Variants in KCNIP4 observed in about 807,000 individuals in gnomAD.
KCNIP4 encodes the protein Kv channel-interacting protein 4.
In KCNIP4, 12 loss-of-function variants were observed where a neutral mutation model predicts 34.0. That is an observed-to-expected ratio of 0.35 (90% CI 0.23 to 0.57). The LOEUF (loss-of-function observed/expected upper bound fraction) is 0.57, where lower values mean the gene tolerates loss of function less well. KCNIP4 is among the 20% of genes least tolerant of loss of function. The pLI is 0.83. For missense variants in KCNIP4, 238 were observed against 311.7 expected, an observed-to-expected ratio of 0.76 and a Z score of 1.78; for synonymous variants, 124 against 102.2, an observed-to-expected ratio of 1.21 and a Z score of -1.29.
Position 21,541,942 on chromosome 4 carries a change from C to T in KCNIP4, c.61+406629G>A, listed in dbSNP as rs1054374356. ...ACAGGCATGAGCCACCAAGCCCCGC[C>T]TAATTTTCTAATATTTAGAAAGTAA... is the stretch of plus-strand genomic sequence containing the variant. On this transcript the variant is annotated intron_variant, in intron 1 of 8. Coordinates refer to ENST00000382152, the MANE Select transcript of KCNIP4 (RefSeq NM_025221.6). 9.9e-5 allele frequency among the ~76,000 whole-genome samples: 15 copies of T among 152,264 alleles called. 1 individual carries two copies. The highest frequency in any genetic ancestry group is 8.5e-4 in the Admixed American group (13 of 15,298).
chr4:21,864,007 G>A (rs1725263070), intron 1 of KCNIP4, among the ~76,000 whole-genome samples: 1 of 152,192 alleles, frequency 6.6e-6, no homozygotes, highest in African/African-American at 2.4e-5. Context: ...AAGACCTGAA[G>A]TAATGTTTTT....
intron 1 of KCNIP4, among the ~76,000 whole-genome samples, chr4:21,074,926 G>T (rs1745335823): frequency 6.6e-6 from 1 of 152,158 alleles, no homozygotes; most frequent in South Asian, 2.1e-4. Context: ...AGGTTGTTCA[G>T]TTTCCATGTA....
intron 1 of KCNIP4, among the ~76,000 whole-genome samples, chr4:21,724,346 A>G (rs1248271533): frequency 2.0e-5 from 3 of 151,504 alleles, no homozygotes; most frequent in South Asian, 2.1e-4. Context: ...TCTCAAAGCC[A>G]TCTATATAAC....
intron 1 of KCNIP4, among the ~76,000 whole-genome samples, chr4:21,924,243 CTTT>C (rs67541105): frequency 9.3e-5 from 10 of 107,540 alleles, no homozygotes; most frequent in Admixed American, 1.9e-4. Context: ...GAATATATTT[CTTT>C]TTTTTTTTTT....
chr4:21,035,561 T>G (rs1741378583), intron 1 of KCNIP4, among the ~76,000 whole-genome samples: 1 of 152,200 alleles, frequency 6.6e-6, no homozygotes, highest in African/African-American at 2.4e-5. Flanking sequence ...GTCTAGCCAT[T>G]GGACAACCAA....
intron 1 of KCNIP4, among the ~76,000 whole-genome samples, chr4:21,361,750 G>A (rs746740753): frequency 6.6e-6 from 1 of 151,238 alleles, no homozygotes; most frequent in Non-Finnish European, 1.5e-5. Context: ...AAAAAAGAAT[G>A]ACAAACCGAG....
intron 1 of KCNIP4, among the ~76,000 whole-genome samples, chr4:21,600,546 T>C (rs924500095): frequency 2.0e-5 from 3 of 151,616 alleles, no homozygotes; most frequent in Non-Finnish European, 4.4e-5. Flanking sequence ...GCGTAAACTA[T>C]AGTCATCCTA....
At chr4:21,685,057 A>C (rs1245808785) in intron 1 of KCNIP4, among the ~76,000 whole-genome samples, 1 of 152,242 alleles carries the variant, frequency 6.6e-6, no homozygotes, top group Non-Finnish European at 1.5e-5. Flanking sequence ...GTAATAAAGC[A>C]TAATTAAGTA....
chr4:21,068,099 C>T (rs1744569329), intron 1 of KCNIP4, among the ~76,000 whole-genome samples: 1 of 152,176 alleles, frequency 6.6e-6, no homozygotes, highest in Non-Finnish European at 1.5e-5. Context: ...CTTCCAGTGA[C>T]TCATGCCAAG....
intron 1 of KCNIP4, among the ~76,000 whole-genome samples, chr4:21,177,885 A>ATATATATATATATATGTAT (rs1560784838): frequency 6.9e-6 from 1 of 145,896 alleles, no homozygotes; most frequent in African/African-American, 2.6e-5. Context: ...TATAAAATAT[A>ATATATATATATATATGTAT]ACATTTAAAA....
intron 2 of KCNIP4, among the ~76,000 whole-genome samples, chr4:20,857,672 C>T (rs147515228): frequency 2.0e-5 from 3 of 150,032 alleles, no homozygotes; most frequent in Non-Finnish European, 3.0e-5. Context: ...TCCCACTTCC[C>T]ACTTTGCCAC....
At chr4:21,316,601 C>A (rs1713789952) in intron 1 of KCNIP4, 1 of 152,160 alleles carries the variant, frequency 6.6e-6, no homozygotes, top group South Asian at 2.1e-4. Context: ...CCACTGGCAA[C>A]CTGGGAACTT....
At chr4:21,871,787 C>T (rs1261488850) in intron 1 of KCNIP4, among the ~76,000 whole-genome samples, 9 of 144,550 alleles carry the variant, frequency 6.2e-5, no homozygotes, top group African/African-American at 2.1e-4. Context: ...CACCCCCACC[C>T]CCCGCCTTAC....
chr4:21,040,604 C>A (rs1196132289), intron 1 of KCNIP4, among the ~76,000 whole-genome samples: 1 of 152,038 alleles, frequency 6.6e-6, no homozygotes, highest in Non-Finnish European at 1.5e-5. Context: ...GAAACAGTAC[C>A]TTCATAATAA....
intron 1 of KCNIP4, among the ~76,000 whole-genome samples, chr4:21,059,333 G>T (rs1743706187): frequency 6.6e-6 from 1 of 152,134 alleles, no homozygotes; most frequent in Non-Finnish European, 1.5e-5. Flanking sequence ...AACTTCTGGA[G>T]AACCCAATCT....
chr4:21,297,850 T>A (rs1254437041), intron 1 of KCNIP4, among the ~76,000 whole-genome samples: 5 of 152,180 alleles, frequency 3.3e-5, no homozygotes, highest in Non-Finnish European at 5.9e-5. Context: ...ACAATTTTTT[T>A]AATGGGCATA....
intron 1 of KCNIP4, among the ~76,000 whole-genome samples, chr4:21,691,440 A>T (rs556004401): frequency 1.3e-5 from 2 of 152,260 alleles, no homozygotes; most frequent in East Asian, 3.9e-4. Context: ...GCTGGAGCAT[A>T]CACATTACCC....
At chr4:20,851,584 C>T (rs777674457) in intron 2 of KCNIP4, among the ~76,000 whole-genome samples, 5 of 151,644 alleles carry the variant, frequency 3.3e-5, no homozygotes, top group Admixed American at 6.6e-5. Flanking sequence ...GTATTTCTGC[C>T]TCTAGGTCTT....
At chr4:21,806,594 G>A (rs755821693) in intron 1 of KCNIP4, among the ~76,000 whole-genome samples, 26 of 152,174 alleles carry the variant, frequency 1.7e-4, no homozygotes, top group Admixed American at 2.0e-4. Flanking sequence ...TTCAGGCACT[G>A]TATTCAGCAC....
Sources: gnomAD v4.1 joint callset for allele counts (sites outside exome capture counted in the v4.1 genomes callset) on GRCh38, gnomAD v4.1.1 for gene constraint, MANE v1.5 for transcripts, NCBI Gene and HGNC (gene_info 2026-07-23, HGNC 2026-07-21) for gene names.